DNAJA4: variants seen among roughly 807,000 people sequenced by gnomAD.
DNAJA4 encodes the protein DnaJ heat shock protein family (Hsp40) member A4, also known as dnaJ homolog subfamily A member 4.
A neutral mutation model predicts 39.7 loss-of-function variants in DNAJA4; 32 were observed. The observed-to-expected ratio is 0.81, with a 90% CI of 0.61 to 1.08. The LOEUF (loss-of-function observed/expected upper bound fraction) is 1.08. Ranked by LOEUF, DNAJA4 falls within the 50% of genes least tolerant of loss-of-function variation. The pLI, the probability that DNAJA4 is intolerant of heterozygous loss-of-function variation, is 0.00. For synonymous variants in DNAJA4, 184 were observed against 182.4 expected (o/e 1.01, Z -0.07); for missense variants, 439 against 505.1 (o/e 0.87, Z 1.25).
In DNAJA4 at chr15:78,280,421, A is replaced by G. The variant is rs1258610322; in HGVS notation, c.1155A>G (p.Glu385=). 1.2e-6 allele frequency: 2 copies of G among 1,613,622 alleles called. No homozygotes were observed. The highest frequency in any genetic ancestry group is 1.7e-6 in the Non-Finnish European group (2 of 1,179,940). Residue 385 remains glutamate, a synonymous_variant, in exon 7 of 7, where the codon GAA becomes GAG. Coordinates refer to ENST00000394852, the MANE Select transcript of DNAJA4 (RefSeq NM_001130182.2). ...ACAGGGAGGCCTACGAGGAGGACGA[A>G]GACGGGCCCCAGGCTGGAGTGCAGT... The part of the protein sequence containing the change: ...RQHREAYEED[E]DGPQAGVQCQ...
At position 78,280,390 on chromosome 15, in the gene DNAJA4, G is replaced by A. The variant is rs372391122; in HGVS notation, c.1124G>A (p.Arg375His). Residue 375 changes from arginine to histidine, a missense_variant, in exon 7 of 7, where the codon CGT (arginine) becomes CAT (histidine). By Grantham distance (29) the Arg-to-His change is conservative (BLOSUM62 0). Transcript: ENST00000394852. Reference protein sequence around the residue: ...KEFCPNEQNWRQHREAYEEDE... With the variant: ...KEFCPNEQNWHQHREAYEEDE... ...TTTTGTCCCAATGAGCAGAACTGGC[G>A]TCAGCACAGGGAGGCCTACGAGGAG... 4.9e-5 allele frequency: 79 copies of A among 1,614,010 alleles called. 1 individual carries two copies. The highest frequency in any genetic ancestry group is 6.1e-5 in the Non-Finnish European group (72 of 1,180,048).
intron 5 of DNAJA4, among the ~76,000 whole-genome samples, chr15:78,277,508 CAAG>C (rs984263042): frequency 1.3e-5 from 2 of 152,336 alleles, no homozygotes; most frequent in East Asian, 1.9e-4. Context: ...TTTCCTCCCT[CAAG>C]GAGGAGTTTG....
chr15:78,264,877 C>A lies in DNAJA4; in HGVS notation c.114C>A (p.Asn38Lys). The change falls in exon 1 of 7, where the codon AAC becomes AAA. Residue 38 changes from asparagine (N) to lysine (K), a missense_variant. By Grantham distance (94) the Asn-to-Lys change is moderately conservative (BLOSUM62 0). Transcript: ENST00000394852. Reference protein sequence around the residue: ...KLALKYHPDKNPDEGEKFKLI... With the variant: ...KLALKYHPDKKPDEGEKFKLI... The stretch of plus-strand genomic sequence containing the variant: ...CGCTCAAGTACCACCCGGACAAGAA[C>A]CCGGATGAGGGCGAGAAGGTGCGGG... 2 of 1,603,722 alleles carry A rather than the reference C, an allele frequency of 1.2e-6. No homozygotes were observed. Among genetic ancestry groups the A allele is most frequent in the Non-Finnish European group, 1.7e-6 (2 of 1,175,028 alleles).
chr15:78,271,690 A>G (rs1277301354), intron 2 of DNAJA4, among the ~76,000 whole-genome samples: 1 of 151,704 alleles, frequency 6.6e-6, no homozygotes, highest in African/African-American at 2.4e-5. Context: ...TCTGCATCTC[A>G]CCTCTGCCAG....
chr15:78,275,440 T>G, intron 4 of DNAJA4, 58 bp from the exon 5 acceptor site: 1 of 1,421,108 alleles, frequency 7.0e-7, no homozygotes, highest in Non-Finnish European at 9.8e-7. Context: ...TTCAAAAGCT[T>G]TAAGGAAGCA....
At chr15:78,264,310 C>T (rs1204049170), upstream of DNAJA4, 4 of 1,392,814 alleles carry the variant, frequency 2.9e-6, no homozygotes, top group Middle Eastern at 6.1e-4. Context: ...CTCCGGCCCC[C>T]GCCATGGCCC....
intron 1 of DNAJA4, among the ~76,000 whole-genome samples, chr15:78,269,587 C>G (rs2049237738): frequency 6.6e-6 from 1 of 152,128 alleles, no homozygotes. Flanking sequence ...GCGTGTTTCT[C>G]TTGGGCACAA....
intron 4 of DNAJA4, 26 bp from the exon 5 acceptor site, chr15:78,275,472 A>G (rs772012724): frequency 5.7e-6 from 9 of 1,569,360 alleles, no homozygotes; most frequent in South Asian, 1.1e-5. Context: ...AGAAATGGCT[A>G]ATCAGAAAGG....
intron 5 of DNAJA4, 73 bp downstream of exon 5, chr15:78,275,801 T>G: frequency 9.6e-7 from 1 of 1,038,970 alleles, no homozygotes; most frequent in East Asian, 2.6e-5. Context: ...TTAGCCTGAT[T>G]TTTTTATTGC....
intron 1 of DNAJA4, chr15:78,265,724 C>T: frequency 1.4e-6 from 1 of 690,844 alleles, no homozygotes; most frequent in South Asian, 1.5e-5. Flanking sequence ...GCTGCTAACC[C>T]TCCCGTTCCT....
Position 78,264,694 on chromosome 15 carries a change from G to C in DNAJA4, c.-70G>C. Reference sequence around the variant, plus strand: ...CGGCGGGGGCGCGGGCCAGGGGCGCGGGCCAGGGTGCCGGCAGGGGCGTCC... The same window carrying C: ...CGGCGGGGGCGCGGGCCAGGGGCGCCGGCCAGGGTGCCGGCAGGGGCGTCC... On this transcript the variant is annotated 5_prime_UTR_variant, in exon 1 of 7. Coordinates refer to ENST00000394852, the MANE Select transcript of DNAJA4 (RefSeq NM_001130182.2). 4.0e-6 allele frequency: 5 copies of C among 1,245,014 alleles called. No homozygotes were observed. Among genetic ancestry groups the C allele is most frequent in the Non-Finnish European group, 5.1e-6 (5 of 973,372 alleles). 77.1% of individuals were successfully genotyped at this position (1,245,014 alleles called of 1,614,324 possible).
chr15:78,273,296 T>C (rs1314867614), intron 3 of DNAJA4, 97 bp downstream of exon 3: 2 of 801,350 alleles, frequency 2.5e-6, no homozygotes, highest in African/African-American at 3.5e-5. Flanking sequence ...TTATCTTTTT[T>C]CAAATGCAAG....
rs750983168 is a variant in DNAJA4 at position 78,274,405 on chromosome 15, C to G, written c.627C>G (p.Ile209Met). The part of the protein sequence containing the change: ...GAKVIREKKI[I>M]EVHVEKGMKD... The stretch of plus-strand genomic sequence containing the variant: ...AGGTGATCCGTGAGAAGAAGATTAT[C>G]GAGGTACATGTTGAAAAAGGTGAGG... The change falls in exon 4 of 7, where the codon ATC (isoleucine) becomes ATG (methionine). Residue 209 changes from isoleucine (I) to methionine (M), a missense_variant. Physicochemically the swap from Ile to Met is conservative, Grantham distance 10. Coordinates refer to ENST00000394852, the MANE Select transcript of DNAJA4 (RefSeq NM_001130182.2). 6 of 1,614,044 alleles carry G rather than the reference C, an allele frequency of 3.7e-6. No homozygotes were observed. The highest frequency in any genetic ancestry group is 5.1e-6 in the Non-Finnish European group (6 of 1,180,008).
At position 78,273,149 on chromosome 15, in the gene DNAJA4, T is replaced by G; in HGVS notation, c.368T>G (p.Val123Gly). Residue 123 changes from valine (V) to glycine (G), a missense_variant, in exon 3 of 7, where the codon GTC becomes GGC. Transcript: ENST00000394852. ...SVTLEDLYNG[V>G]TKKLALQKNV... ...ACTCTTGAAGATCTATATAATGGAG[T>G]CACGAAGAAATTGGCCCTCCAGAAA... 6.2e-7 allele frequency: 1 copy of G among 1,607,792 alleles called. No homozygotes were observed. Among genetic ancestry groups the G allele is most frequent in the East Asian group, 2.2e-5 (1 of 44,852 alleles).
At chr15:78,270,715 T>C in intron 2 of DNAJA4, 38 bp downstream of exon 2, 2 of 1,594,926 alleles carry the variant, frequency 1.3e-6, no homozygotes, top group Non-Finnish European at 1.7e-6. Context: ...AGTTGTATGG[T>C]TTCCACAATT....
intron 2 of DNAJA4, among the ~76,000 whole-genome samples, chr15:78,272,224 C>G (rs975734921): frequency 1.3e-5 from 2 of 152,124 alleles, no homozygotes; most frequent in African/African-American, 4.8e-5. Flanking sequence ...GTAGTCCCAG[C>G]TACTCGGGAG....
At chr15:78,274,581 C>T (rs1238583984) in intron 4 of DNAJA4, 157 bp downstream of exon 4, 1 of 679,268 alleles carries the variant, frequency 1.5e-6, no homozygotes, top group South Asian at 1.8e-5. Flanking sequence ...TCTCTTCACC[C>T]TTCCTGGCCT....
chr15:78,268,132 A>G (rs1225333147), intron 1 of DNAJA4, among the ~76,000 whole-genome samples: 5 of 152,186 alleles, frequency 3.3e-5, no homozygotes, highest in Non-Finnish European at 4.4e-5. Flanking sequence ...TATTAAGTCT[A>G]AATGACATGT....
In DNAJA4 at chr15:78,280,348, A is replaced by C. The variant is rs1185216360; in HGVS notation, c.1082A>C (p.Gln361Pro). ...QKVRITDDMD[Q>P]VELKEFCPNE... is the part of the protein sequence containing the mutation. ...GTGAGGATTACAGATGACATGGATC[A>C]GGTGGAGCTGAAGGAGTTTTGTCCC... The change falls in exon 7 of 7, where the codon CAG (glutamine) becomes CCG (proline). Residue 361 changes from glutamine (Q) to proline (P), a missense_variant. Coordinates refer to ENST00000394852, the MANE Select transcript of DNAJA4 (RefSeq NM_001130182.2). 1 of 1,614,108 alleles carries C rather than the reference A, an allele frequency of 6.2e-7. No homozygotes were observed. The highest frequency in any genetic ancestry group is 8.5e-7 in the Non-Finnish European group (1 of 1,180,042).
Sources: allele counts gnomAD v4.1 joint callset (sites outside exome capture counted in the v4.1 genomes callset), GRCh38; gene constraint gnomAD v4.1.1; transcripts MANE v1.5; gene names NCBI Gene and HGNC (gene_info 2026-07-23, HGNC 2026-07-21).